The following ELP4 variants were observed in gnomAD, a reference collection of about 807,000 sequenced individuals.
ELP4 encodes the protein elongator complex protein 4.
Under a neutral mutation model 48.9 loss-of-function variants are expected in ELP4, and 51 were observed. The observed-to-expected ratio is 1.04, with a 90% CI of 0.83 to 1.32. The LOEUF (loss-of-function observed/expected upper bound fraction) is 1.32, where lower values mean the gene tolerates loss of function less well. ELP4 is among the 40% of genes most tolerant of loss of function. ELP4 has a pLI of 0.00. For synonymous variants in ELP4, 210 were observed against 189.2 expected (o/e 1.11, Z -0.90); for missense variants, 519 against 514.6 (o/e 1.01, Z -0.08).
In ELP4 at chr11:31,789,451, T is replaced by A. The variant is rs1949070421; in HGVS notation, c.*5927T>A. ...GCATGTTGTTCCAGGTTTAATTATA[T>A]GCAAAGGAATGATACAAACTTGGAA... On this transcript the variant is annotated 3_prime_UTR_variant, in exon 10 of 10. Coordinates refer to ENST00000640961, the MANE Select transcript of ELP4 (RefSeq NM_019040.5). 2.2e-6 allele frequency: 1 copy of A among 451,380 alleles called. No individual in the cohort carries two copies. The highest frequency in any genetic ancestry group is 3.9e-6 in the Non-Finnish European group (1 of 257,952). 28.0% of individuals were successfully genotyped at this position (451,380 alleles called of 1,614,324 possible).
Position 31,789,923 on chromosome 11 carries a change from T to C in ELP4, c.*6399T>C. ...CAATATTTCCTTTCCTTTTTTTTTT[T>C]TTTTTTTTTTTTACTGTAATCTTGG... is the stretch of plus-strand genomic sequence containing the variant. On this transcript the variant is annotated 3_prime_UTR_variant, in exon 10 of 10. Coordinates refer to ENST00000640961, the MANE Select transcript of ELP4 (RefSeq NM_019040.5). 6.6e-7 allele frequency: 1 copy of C among 1,505,376 alleles called. No homozygotes were observed. Among genetic ancestry groups the C allele is most frequent in the Non-Finnish European group, 8.9e-7 (1 of 1,123,112 alleles). The allele number at this position is 1,505,376 out of a possible 1,614,324, so 93.3% of individuals were successfully genotyped here. A position where few individuals can be genotyped will look rare whatever the true frequency, so the allele number is the denominator to read the frequency against.
intron 3 of ELP4, among the ~76,000 whole-genome samples, chr11:31,565,713 G>A (rs1446726489): frequency 1.3e-5 from 2 of 151,308 alleles, no homozygotes; most frequent in Non-Finnish European, 2.9e-5. Context: ...TGAGGGCTCT[G>A]TTCTGTTCCA....
At chr11:31,665,710 A>T (rs1945658695) in intron 9 of ELP4, among the ~76,000 whole-genome samples, 1 of 131,498 alleles carries the variant, frequency 7.6e-6, no homozygotes, top group South Asian at 2.4e-4. Context: ...GCTGGAGTAC[A>T]GTGGTGCAAT....
chr11:31,514,008 C>CCCAG (rs1393110983), intron 1 of ELP4, among the ~76,000 whole-genome samples: 2 of 152,040 alleles, frequency 1.3e-5, no homozygotes, highest in Admixed American at 1.3e-4. Flanking sequence ...CTCATGTTTG[C>CCCAG]CCAGCCAATA....
chr11:31,708,279 T>G (rs1592242171), intron 9 of ELP4, among the ~76,000 whole-genome samples: 1 of 152,126 alleles, frequency 6.6e-6, no homozygotes, highest in Non-Finnish European at 1.5e-5. Context: ...AACAAAGCCA[T>G]CAGAGTTCGA....
At chr11:31,666,561 A>G (rs7937071) in intron 9 of ELP4, among the ~76,000 whole-genome samples, 141,199 of 151,766 alleles carry the variant, frequency 0.93, 66,277 homozygotes, top group South Asian at 1. Flanking sequence ...GTGTGGTGGC[A>G]TGTGCCTGTA....
At chr11:31,674,743 A>G (rs944830982) in intron 9 of ELP4, among the ~76,000 whole-genome samples, 1 of 152,258 alleles carries the variant, frequency 6.6e-6, no homozygotes. Flanking sequence ...GTTTGAAAAC[A>G]TGCCAGGGCA....
At chr11:31,556,105 G>C (rs79780055) in intron 3 of ELP4, among the ~76,000 whole-genome samples, 275 of 151,918 alleles carry the variant, frequency 1.8e-3, no homozygotes, top group African/African-American at 6.3e-3. Context: ...AGCTGCCTAA[G>C]ATATATAACC....
intron 9 of ELP4, among the ~76,000 whole-genome samples, chr11:31,682,600 G>A (rs1418911106): frequency 1.3e-5 from 2 of 152,098 alleles, no homozygotes; most frequent in Admixed American, 1.3e-4. Context: ...ATTAGCTCAA[G>A]TTGAGTAAGT....
At chr11:31,569,100 A>G (rs1565058373) in intron 3 of ELP4, among the ~76,000 whole-genome samples, 1 of 151,872 alleles carries the variant, frequency 6.6e-6, no homozygotes, top group Non-Finnish European at 1.5e-5. Context: ...AAAAAATAAA[A>G]AAAAGGAAAG....
intron 9 of ELP4, chr11:31,682,040 C>CT: frequency 7.7e-7 from 1 of 1,291,936 alleles, no homozygotes; most frequent in Non-Finnish European, 1.0e-6. Context: ...CGCGCCCGGC[C>CT]TAGGGCTTTG....
At chr11:31,684,855 C>G (rs191238345) in intron 9 of ELP4, among the ~76,000 whole-genome samples, 42 of 152,294 alleles carry the variant, frequency 2.8e-4, no homozygotes, top group Admixed American at 1.2e-3. Flanking sequence ...GAAAGAAACA[C>G]TGAACACTGT....
At chr11:31,692,506 C>T (rs981387413) in intron 9 of ELP4, among the ~76,000 whole-genome samples, 4 of 152,176 alleles carry the variant, frequency 2.6e-5, no homozygotes, top group African/African-American at 2.4e-5. Flanking sequence ...TAGAAAAGTA[C>T]GCCATCAATT....
At chr11:31,688,329 A>ACT (rs1256368182) in intron 9 of ELP4, among the ~76,000 whole-genome samples, 2 of 152,152 alleles carry the variant, frequency 1.3e-5, no homozygotes, top group Admixed American at 1.3e-4. Flanking sequence ...CCCCTGGGAG[A>ACT]TACATGCCTG....
rs559833948 is a variant in ELP4 at position 31,733,407 on chromosome 11, G to A, written c.1144-49986G>A. On this transcript the variant is annotated intron_variant, in intron 9 of 9. Coordinates refer to ENST00000640961, the MANE Select transcript of ELP4 (RefSeq NM_019040.5). ...CAGGAGAATTGCTGAAACCTGGAAG[G>A]TGGAGGTTGCAGTGAGCCAAGATCA... Among the ~76,000 whole-genome samples, 4 of 150,136 alleles carry A rather than the reference G, an allele frequency of 2.7e-5. No homozygotes were observed. In the South Asian group the frequency reaches 8.6e-4, roughly 32 times the overall value.
At chr11:31,742,564 C>T (rs1347251768) in intron 9 of ELP4, among the ~76,000 whole-genome samples, 1 of 152,206 alleles carries the variant, frequency 6.6e-6, no homozygotes, top group Non-Finnish European at 1.5e-5. Flanking sequence ...TGCAGAAACT[C>T]TACAAGCCAG....
rs1424915305 is a variant in ELP4, at chr11:31,786,670, A to G, written c.*3146A>G. 5.2e-6 allele frequency: 1 copy of G among 193,380 alleles called. No homozygotes were observed. The highest frequency in any genetic ancestry group is 1.0e-5 in the Non-Finnish European group (1 of 98,776). 12.0% of individuals were successfully genotyped at this position (193,380 alleles called of 1,614,324 possible). A position where few individuals can be genotyped will look rare whatever the true frequency, so the allele number is the denominator to read the frequency against. On this transcript the variant is annotated 3_prime_UTR_variant, in exon 10 of 10. Coordinates refer to ENST00000640961, the MANE Select transcript of ELP4 (RefSeq NM_019040.5). ...AAATAATACTGTATGAGTGAATCTT[A>G]GGAAACCTAGTGATGATAGTAAGAA...
intron 3 of ELP4, among the ~76,000 whole-genome samples, chr11:31,563,160 A>C (rs887886322): frequency 6.6e-6 from 1 of 152,202 alleles, no homozygotes; most frequent in African/African-American, 2.4e-5. Flanking sequence ...TTTTATTTTT[A>C]AGAAGGATTT....
At chr11:31,762,862 A>C (rs1197830488) in intron 9 of ELP4, among the ~76,000 whole-genome samples, 1 of 151,678 alleles carries the variant, frequency 6.6e-6, no homozygotes, top group East Asian at 1.9e-4. Flanking sequence ...AATTTTTTTC[A>C]GTGTGCAATA....
Sources: gnomAD v4.1 joint callset for allele counts (sites outside exome capture counted in the v4.1 genomes callset) on GRCh38, gnomAD v4.1.1 for gene constraint, MANE v1.5 for transcripts, NCBI Gene and HGNC (gene_info 2026-07-23, HGNC 2026-07-21) for gene names.